DLC1: variants seen among roughly 807,000 people sequenced by gnomAD.
DLC1 encodes the protein DLC1 Rho GTPase activating protein.
Under a neutral mutation model 140.3 loss-of-function variants are expected in DLC1, and 54 were observed. That is an observed-to-expected ratio of 0.38 (90% CI 0.31 to 0.48). The LOEUF is 0.48. Ranked by LOEUF, DLC1 falls within the 20% of genes least tolerant of loss-of-function variation. The pLI is 0.96. For synonymous variants in DLC1, 986 were observed against 728.1 expected, an observed-to-expected ratio of 1.35 and a Z score of -5.70; for missense variants, 2,536 against 1,907.0, an observed-to-expected ratio of 1.33 and a Z score of -6.14.
intron 4 of DLC1, among the ~76,000 whole-genome samples, chr8:13,390,249 T>C (rs289557): frequency 0.78 from 118,476 of 152,044 alleles, 46,487 homozygotes; most frequent in East Asian, 0.93. Flanking sequence ...ATGATTCCCC[T>C]CAAAACAAAA....
chr8:13,401,051 C>G (rs565819289), intron 3 of DLC1, among the ~76,000 whole-genome samples: 5 of 152,334 alleles, frequency 3.3e-5, no homozygotes, highest in African/African-American at 1.2e-4. Flanking sequence ...TGGCATCCAT[C>G]CATCCATCCA....
chr8:13,141,282 A>AAAAAAAAAC (rs1413777536), intron 5 of DLC1, among the ~76,000 whole-genome samples: 1 of 144,082 alleles, frequency 6.9e-6, no homozygotes, highest in African/African-American at 2.5e-5. Flanking sequence ...AAAAAAAAAA[A>AAAAAAAAAC]AAGCCAGCTG....
At chr8:13,452,268 T>C (rs1799100393) in intron 2 of DLC1, among the ~76,000 whole-genome samples, 3 of 152,014 alleles carry the variant, frequency 2.0e-5, no homozygotes, top group South Asian at 4.1e-4. Context: ...TTTTTAAGAA[T>C]TGTACTCAAT....
At chr8:13,273,110 G>A (rs943008467) in intron 5 of DLC1, among the ~76,000 whole-genome samples, 1 of 152,148 alleles carries the variant, frequency 6.6e-6, no homozygotes, top group East Asian at 1.9e-4. Context: ...AGGTTTCACA[G>A]GAATGATAAA....
rs995049268 is a variant in DLC1, at chr8:13,577,660, G to A, written c.-126+26877C>T. 3.9e-5 allele frequency among the ~76,000 whole-genome samples: 6 copies of A among 152,200 alleles called. No individual in the cohort carries two copies. The South Asian group carries it at 6.2e-4, about 16-fold the overall frequency. On this transcript the variant is annotated intron_variant, in intron 1 of 1. Coordinates refer to the DLC1 transcript ENST00000631382. ...TATGTTTTTGTTATATAAATTATAC[G>A]AATAAATTTTTCATTCCTGATTGAG...
In DLC1 at chr8:13,112,384, C is replaced by T. The variant is rs184765247; in HGVS notation, c.1421-1561G>A. ...AATCTATTTTCTAGAGATAATATAT[C>T]AGAATGAGTATAAAGTTATAGTCTA... is the stretch of plus-strand genomic sequence containing the variant. On this transcript the variant is annotated intron_variant, in intron 6 of 17. Coordinates refer to ENST00000276297, the MANE Select transcript of DLC1 (RefSeq NM_182643.3). Among the ~76,000 whole-genome samples the T allele has an allele frequency of 9.9e-4, 150 of 152,226 alleles. 1 individual carries two copies. The highest frequency in any genetic ancestry group is 1.2e-4 in the Non-Finnish European group (8 of 68,008).
At chr8:13,527,374 T>C (rs1260869681) in intron 1 of DLC1, among the ~76,000 whole-genome samples, 1 of 152,206 alleles carries the variant, frequency 6.6e-6, no homozygotes, top group African/African-American at 2.4e-5. Flanking sequence ...TCTTTTCTAG[T>C]TTATTAATAT....
intron 5 of DLC1, among the ~76,000 whole-genome samples, chr8:13,245,857 C>G (rs893086382): frequency 2.6e-5 from 4 of 151,932 alleles, no homozygotes; most frequent in African/African-American, 9.7e-5. Flanking sequence ...CCCACCACCA[C>G]TCCCGGCTAA....
intron 5 of DLC1, chr8:13,132,946 G>A: frequency 6.2e-7 from 1 of 1,609,234 alleles, no homozygotes; most frequent in East Asian, 2.2e-5. Context: ...TAGCTTACGT[G>A]TTAGGATCAT....
intron 2 of DLC1, among the ~76,000 whole-genome samples, chr8:13,463,673 G>A (rs10888062): frequency 0.97 from 147,095 of 152,284 alleles, 71,263 homozygotes; most frequent in East Asian, 1. Context: ...GGGAAAGGAC[G>A]TTGTTCTAAT....
chr8:13,241,173 T>C (rs1829529750), intron 5 of DLC1, among the ~76,000 whole-genome samples: 1 of 152,224 alleles, frequency 6.6e-6, no homozygotes, highest in African/African-American at 2.4e-5. Context: ...GGCCAAACTG[T>C]GGCTTCATAA....
chr8:13,407,314 TAAA>T (rs1837612601), intron 2 of DLC1, among the ~76,000 whole-genome samples: 1 of 152,154 alleles, frequency 6.6e-6, no homozygotes, highest in Non-Finnish European at 1.5e-5. Context: ...CTGTGAGGCT[TAAA>T]CAACAGGAGT....
intron 1 of DLC1, among the ~76,000 whole-genome samples, chr8:13,520,780 A>C (rs1250526066): frequency 6.6e-6 from 1 of 152,106 alleles, no homozygotes; most frequent in African/African-American, 2.4e-5. Context: ...TTTTGTTTAG[A>C]GAGGTCTGTG....
intron 8 of DLC1, 121 bp from the exon 9 acceptor site, chr8:13,100,891 T>C (rs1819022686): frequency 9.5e-7 from 1 of 1,055,780 alleles, no homozygotes; most frequent in Non-Finnish European, 1.3e-6. Context: ...TACTTCATGA[T>C]TTTAATTTTA....
chr8:13,278,667 A>G (rs1005542574), intron 5 of DLC1, among the ~76,000 whole-genome samples: 1 of 152,158 alleles, frequency 6.6e-6, no homozygotes, highest in Admixed American at 6.5e-5. Flanking sequence ...TTAGGGACAC[A>G]CAGTCACTCC....
chr8:13,112,082 T>C (rs904693806), intron 6 of DLC1, among the ~76,000 whole-genome samples: 15 of 152,088 alleles, frequency 9.9e-5, no homozygotes, highest in Non-Finnish European at 1.8e-4. Context: ...GCCCCAGAGT[T>C]TGAGGCTGCA....
At chr8:13,560,603 A>G (rs1804207151) in intron 1 of DLC1, among the ~76,000 whole-genome samples, 1 of 152,138 alleles carries the variant, frequency 6.6e-6, no homozygotes, top group Non-Finnish European at 1.5e-5. Context: ...ACTACACTTC[A>G]TGGGTTAAAT....
intron 5 of DLC1, among the ~76,000 whole-genome samples, chr8:13,160,811 C>T (rs557530508): frequency 6.6e-5 from 10 of 152,074 alleles, no homozygotes; most frequent in East Asian, 3.9e-4. Context: ...TGGAGCCGGG[C>T]GTGGTGGCTC....
intron 8 of DLC1, chr8:13,101,040 C>G (rs1027771034): frequency 2.6e-6 from 1 of 383,412 alleles, no homozygotes; most frequent in Non-Finnish European, 4.6e-6. Flanking sequence ...CAGGGATAAG[C>G]TACTGTGCCC....
Sources: allele counts gnomAD v4.1 joint callset (sites outside exome capture counted in the v4.1 genomes callset), GRCh38; gene constraint gnomAD v4.1.1; transcripts MANE v1.5; gene names NCBI Gene and HGNC (gene_info 2026-07-23, HGNC 2026-07-21).